Variants in IL6R observed in about 807,000 individuals in gnomAD.
IL6R encodes interleukin 6 receptor.
IL6R carries 38 observed loss-of-function variants against 48.3 expected under a neutral mutation model. The observed-to-expected ratio is 0.79, with a 90% confidence interval of 0.61 to 1.03. The LOEUF (loss-of-function observed/expected upper bound fraction) is 1.03, where lower values mean the gene tolerates loss of function less well. Among genes scored for constraint, IL6R ranks in the 50% least tolerant of loss-of-function variants. IL6R has a pLI of 0.00. For missense variants in IL6R, 534 were observed against 618.3 expected, an observed-to-expected ratio of 0.86 and a Z score of 1.45; for synonymous variants, 264 against 256.2, an observed-to-expected ratio of 1.03 and a Z score of -0.29.
chr1:154,418,391 G>C (rs1469230613), intron 1 of IL6R: 1 of 984,706 alleles, frequency 1.0e-6, no homozygotes, highest in South Asian at 4.7e-5. Context: ...CTCTCCAGCA[G>C]TGTACAGTCC....
Position 154,428,437 on chromosome 1 carries a change from C to T in IL6R, c.86-759C>T, listed in dbSNP as rs139559028. ...TGTGCCTCAGTTACCAACTATATAACGGGCATTCTGCCATGAATACCCTGC... is the reference window on the plus strand; with the variant it reads ...TGTGCCTCAGTTACCAACTATATAATGGGCATTCTGCCATGAATACCCTGC... On this transcript the variant is annotated intron_variant, in intron 1 of 9. Coordinates refer to ENST00000368485, the MANE Select transcript of IL6R (RefSeq NM_000565.4). Among the ~76,000 whole-genome samples the T allele has an allele frequency of 3.5e-3, 531 of 152,300 alleles. 4 individuals carry two copies. The highest frequency in any genetic ancestry group is 5.3e-3 in the Non-Finnish European group (358 of 68,028).
chr1:154,415,144 C>T, intron 1 of IL6R: 2 of 891,254 alleles, frequency 2.2e-6, no homozygotes, highest in East Asian at 2.6e-5. Context: ...TTGCCGTCCT[C>T]AGCCTGCAGG....
At chr1:154,454,840 C>CTCT (rs1395109227) in intron 9 of IL6R, among the ~76,000 whole-genome samples, 3 of 152,122 alleles carry the variant, frequency 2.0e-5, no homozygotes, top group Non-Finnish European at 2.9e-5. Flanking sequence ...GTGGTAAGAG[C>CTCT]TACAAAAAGC....
At chr1:154,432,565 C>T (rs761410627) in intron 3 of IL6R, among the ~76,000 whole-genome samples, 1 of 152,020 alleles carries the variant, frequency 6.6e-6, no homozygotes, top group Admixed American at 6.6e-5. Flanking sequence ...ACCATGTTAG[C>T]GGGGCTGGTC....
intron 1 of IL6R, among the ~76,000 whole-genome samples, chr1:154,411,996 G>A (rs1387346433): frequency 6.9e-6 from 1 of 144,966 alleles, no homozygotes; most frequent in African/African-American, 2.6e-5. Flanking sequence ...CGCCCAGGCT[G>A]GAGTGCAGTG....
At position 154,465,384 on chromosome 1, in the gene IL6R, G is replaced by A; in HGVS notation, c.*4G>A. ...AGACTACTTCTTCCCCAGATAGCTGGCTGGGTGGCACCAGCAGCCTGGACC... is the reference window on the plus strand; with the variant it reads ...AGACTACTTCTTCCCCAGATAGCTGACTGGGTGGCACCAGCAGCCTGGACC... On this transcript the variant is annotated 3_prime_UTR_variant, in exon 10 of 10. Transcript: ENST00000368485. 6.2e-7 allele frequency: 1 copy of A among 1,614,004 alleles called. No homozygotes were observed. The highest frequency in any genetic ancestry group is 8.5e-7 in the Non-Finnish European group (1 of 1,179,940).
chr1:154,417,794 G>GC (rs1384951864), intron 1 of IL6R, among the ~76,000 whole-genome samples: 5 of 144,180 alleles, frequency 3.5e-5, no homozygotes, highest in Non-Finnish European at 6.0e-5. Flanking sequence ...AGGCTGGAGT[G>GC]CAGTGGCATG....
intron 6 of IL6R, among the ~76,000 whole-genome samples, chr1:154,446,932 C>T (rs1303632775): frequency 1.3e-5 from 2 of 152,056 alleles, no homozygotes; most frequent in African/African-American, 4.8e-5. Context: ...TAGAATTTTT[C>T]TTGTCTTGCA....
chr1:154,438,188 T>G (rs1689741909), intron 6 of IL6R, among the ~76,000 whole-genome samples: 1 of 151,654 alleles, frequency 6.6e-6, no homozygotes, highest in Admixed American at 6.6e-5. Context: ...CCTCCTTAAC[T>G]CTAAACAACA....
At chr1:154,421,436 G>A (rs921386284) in intron 1 of IL6R, among the ~76,000 whole-genome samples, 6 of 152,212 alleles carry the variant, frequency 3.9e-5, no homozygotes, top group African/African-American at 1.4e-4. Flanking sequence ...CCTAACCCAG[G>A]CTCTTGGGTT....
chr1:154,434,437 G>A (rs1181152503), intron 3 of IL6R, 82 bp from the exon 4 acceptor site: 5 of 1,260,582 alleles, frequency 4.0e-6, no homozygotes, highest in Non-Finnish European at 4.5e-6. Context: ...TCAAACCCCG[G>A]GATTCCACTT....
At chr1:154,422,264 T>C (rs1354421060) in intron 1 of IL6R, among the ~76,000 whole-genome samples, 1 of 152,230 alleles carries the variant, frequency 6.6e-6, no homozygotes, top group Non-Finnish European at 1.5e-5. Flanking sequence ...ATGCCTTGCA[T>C]ATACTGTTCT....
At chr1:154,439,974 C>G (rs1689842776) in intron 6 of IL6R, among the ~76,000 whole-genome samples, 1 of 152,074 alleles carries the variant, frequency 6.6e-6, no homozygotes, top group Non-Finnish European at 1.5e-5. Flanking sequence ...GTGACCTTGG[C>G]TCACTGCAAC....
At chr1:154,457,322 CAAAAAAAAA>C (rs60033332) in intron 9 of IL6R, among the ~76,000 whole-genome samples, 3 of 78,070 alleles carry the variant, frequency 3.8e-5, no homozygotes, top group African/African-American at 1.0e-4. Context: ...GACTCCGTCT[CAAAAAAAAA>C]AAAAAAAAAA....
At chr1:154,437,430 TGAAG>T in intron 6 of IL6R, 1 of 385,876 alleles carries the variant, frequency 2.6e-6, no homozygotes, top group Non-Finnish European at 5.4e-6. Flanking sequence ...TTTTTTTTTT[TGAAG>T]ACAGGCTTTC....
chr1:154,407,906 A>ATTCCTTTTGC (rs1346238707), intron 1 of IL6R, among the ~76,000 whole-genome samples: 1 of 152,188 alleles, frequency 6.6e-6, no homozygotes, highest in Non-Finnish European at 1.5e-5. Flanking sequence ...CAATGCAAGA[A>ATTCCTTTTGC]AATACACAAA....
intron 6 of IL6R, among the ~76,000 whole-genome samples, chr1:154,439,493 T>G (rs1457511565): frequency 6.6e-6 from 1 of 152,054 alleles, no homozygotes; most frequent in Non-Finnish European, 1.5e-5. Context: ...TTTTATATTT[T>G]TAGTGGAGAT....
At position 154,436,020 on chromosome 1, in the gene IL6R, A is replaced by G; in HGVS notation, c.859A>G (p.Arg287Gly). ...CATCCACGACGCCTGGAGCGGCCTG[A>G]GGCACGTGGTGCAGCTTCGTGCCCA... ...CVIHDAWSGL[R>G]HVVQLRAQEE... Residue 287 changes from arginine (R) to glycine (G), a missense_variant, in exon 6 of 10, where the codon AGG becomes GGG. Coordinates refer to ENST00000368485, the MANE Select transcript of IL6R (RefSeq NM_000565.4). 1 of 1,612,780 alleles carries G rather than the reference A, an allele frequency of 6.2e-7. No homozygotes were observed. The highest frequency in any genetic ancestry group is 8.5e-7 in the Non-Finnish European group (1 of 1,179,202).
At chr1:154,462,052 G>C (rs1417024171) in intron 9 of IL6R, among the ~76,000 whole-genome samples, 1 of 152,082 alleles carries the variant, frequency 6.6e-6, no homozygotes, top group Non-Finnish European at 1.5e-5. Flanking sequence ...CAGTGTCTAG[G>C]GCTACGTGAC....
Sources: allele counts gnomAD v4.1 joint callset (sites outside exome capture counted in the v4.1 genomes callset), GRCh38; gene constraint gnomAD v4.1.1; transcripts MANE v1.5; gene names NCBI Gene and HGNC (gene_info 2026-07-23, HGNC 2026-07-21).